Variants in PRKN observed in about 807,000 individuals in gnomAD.
PRKN encodes parkin RBR E3 ubiquitin protein ligase.
A neutral mutation model predicts 59.5 loss-of-function variants in PRKN; 56 were observed. The ratio of observed to expected loss-of-function variants is 0.94; its 90% CI spans 0.76 to 1.18. The LOEUF (loss-of-function observed/expected upper bound fraction) is 1.18, where lower values mean the gene tolerates loss of function less well. PRKN is among the 50% of genes most tolerant of loss of function. PRKN has a pLI of 0.00. For missense variants in PRKN, 657 were observed against 596.4 expected, an observed-to-expected ratio of 1.10 and a Z score of -1.06; for synonymous variants, 250 against 222.1, an observed-to-expected ratio of 1.13 and a Z score of -1.12.
At chr6:162,231,112 C>T (rs1478684827) in intron 3 of PRKN, among the ~76,000 whole-genome samples, 1 of 152,014 alleles carries the variant, frequency 6.6e-6, no homozygotes, top group African/African-American at 2.4e-5. Flanking sequence ...ATATGCCTCC[C>T]TCTCTCTCTC....
intron 3 of PRKN, among the ~76,000 whole-genome samples, chr6:162,253,507 T>C (rs1779522882): frequency 6.6e-6 from 1 of 152,186 alleles, no homozygotes; most frequent in Non-Finnish European, 1.5e-5. Flanking sequence ...TAAATAACTG[T>C]TACAGCAACT....
intron 2 of PRKN, among the ~76,000 whole-genome samples, chr6:162,380,208 T>C (rs1194440807): frequency 3.9e-5 from 6 of 152,074 alleles, no homozygotes; most frequent in Non-Finnish European, 7.4e-5. Flanking sequence ...ATGTGGCTTA[T>C]TAGGGCAAGT....
At chr6:162,416,713 A>T (rs373010430) in intron 2 of PRKN, among the ~76,000 whole-genome samples, 73 of 152,236 alleles carry the variant, frequency 4.8e-4, no homozygotes, top group African/African-American at 1.7e-3. Context: ...TTTTCTTAAT[A>T]ACTTACCTAC....
intron 6 of PRKN, among the ~76,000 whole-genome samples, chr6:161,953,362 G>A (rs901901522): frequency 6.6e-6 from 1 of 152,086 alleles, no homozygotes; most frequent in Non-Finnish European, 1.5e-5. Flanking sequence ...CACCTGCCTC[G>A]GCCTCCCAAA....
At chr6:162,651,986 C>T (rs57483155) in intron 1 of PRKN, among the ~76,000 whole-genome samples, 3,151 of 152,192 alleles carry the variant, frequency 0.021, 114 homozygotes, top group African/African-American at 0.071. Flanking sequence ...TACCTTATGT[C>T]GAGATTTCTC....
At chr6:162,632,123 A>G (rs1450672925) in intron 1 of PRKN, among the ~76,000 whole-genome samples, 1 of 152,218 alleles carries the variant, frequency 6.6e-6, no homozygotes, top group Non-Finnish European at 1.5e-5. Context: ...CTTAAAACAG[A>G]GCTATCATTT....
At chr6:161,375,175 A>AC (rs764111458) in intron 10 of PRKN, among the ~76,000 whole-genome samples, 1 of 151,562 alleles carries the variant, frequency 6.6e-6, no homozygotes, top group African/African-American at 2.4e-5. Flanking sequence ...GGTGGAGGGA[A>AC]CCCCCCGGGG....
intron 7 of PRKN, among the ~76,000 whole-genome samples, chr6:161,739,493 C>A (rs760539702): frequency 9.2e-5 from 14 of 152,136 alleles, no homozygotes; most frequent in Non-Finnish European, 1.9e-4. Context: ...AACGTATTTG[C>A]AATATAAAAA....
chr6:162,675,888 A>G (rs1779525951), intron 1 of PRKN, among the ~76,000 whole-genome samples: 2 of 152,200 alleles, frequency 1.3e-5, no homozygotes, highest in Non-Finnish European at 2.9e-5. Flanking sequence ...TAAAAATTCA[A>G]TAATGGAATA....
rs1472808063 is a variant in PRKN at position 161,391,466 on chromosome 6, T to C, written c.1084-4589A>G. On this transcript the variant is annotated intron_variant, in intron 9 of 11. Coordinates refer to ENST00000366898, the MANE Select transcript of PRKN (RefSeq NM_004562.3). The surrounding 1 kb of genome is among the most constrained non-coding windows in gnomAD (Gnocchi z 4.9). ...TTTTTTTCGAGAAATTTTAAATGTC[T>C]TTAAACAATCATAAAATAATACATA... Among the ~76,000 whole-genome samples, 1 of 151,874 alleles carries C rather than the reference T, an allele frequency of 6.6e-6. No individual in the cohort carries two copies. Among genetic ancestry groups the C allele is most frequent in the Non-Finnish European group, 1.5e-5 (1 of 67,970 alleles).
chr6:162,546,100 GTTTTTTTT>G (rs11396761), intron 1 of PRKN, among the ~76,000 whole-genome samples: 1 of 116,662 alleles, frequency 8.6e-6, no homozygotes, highest in Non-Finnish European at 1.7e-5. Context: ...AGTGTATGCA[GTTTTTTTT>G]TTTTTTTTTT....
At chr6:162,022,778 T>G (rs987316686) in intron 5 of PRKN, among the ~76,000 whole-genome samples, 4 of 152,184 alleles carry the variant, frequency 2.6e-5, no homozygotes, top group Non-Finnish European at 4.4e-5. Context: ...TTCTAGGATT[T>G]TAATAAATCA....
intron 6 of PRKN, among the ~76,000 whole-genome samples, chr6:161,917,357 C>T (rs995148560): frequency 3.3e-5 from 5 of 152,180 alleles, no homozygotes; most frequent in South Asian, 2.1e-4. Context: ...CCACCTACCT[C>T]GTCATCCCAA....
chr6:161,959,852 C>G (rs577465898), intron 6 of PRKN, among the ~76,000 whole-genome samples: 1 of 152,242 alleles, frequency 6.6e-6, no homozygotes, highest in South Asian at 2.1e-4. Flanking sequence ...CAGGAATTAA[C>G]CAAATTTAGG....
intron 7 of PRKN, among the ~76,000 whole-genome samples, chr6:161,779,413 C>CT (rs1049372571): frequency 1.1e-5 from 1 of 90,996 alleles, no homozygotes; most frequent in African/African-American, 3.8e-5. Context: ...CCTTTCTTTT[C>CT]TTTTTTTTCT....
chr6:161,643,620 G>A (rs1236665243), intron 7 of PRKN, among the ~76,000 whole-genome samples: 4 of 152,150 alleles, frequency 2.6e-5, no homozygotes, highest in Non-Finnish European at 5.9e-5. Context: ...TTCCAAAGAT[G>A]TCATATAACT....
chr6:162,026,287 G>A (rs1165597427), intron 5 of PRKN, among the ~76,000 whole-genome samples: 1 of 152,184 alleles, frequency 6.6e-6, no homozygotes, highest in Non-Finnish European at 1.5e-5. Context: ...AAATGCGGAG[G>A]CACACGTGTG....
intron 2 of PRKN, among the ~76,000 whole-genome samples, chr6:162,351,017 C>G (rs982689966): frequency 1.3e-5 from 2 of 151,884 alleles, no homozygotes; most frequent in Non-Finnish European, 2.9e-5. Flanking sequence ...GACCCTGACT[C>G]TATAAAAAAT....
At position 161,918,243 on chromosome 6, in the gene PRKN, G is replaced by A. The variant is rs372526277; in HGVS notation, c.734+55059C>T. Among the ~76,000 whole-genome samples, 161 of 152,282 alleles carry A rather than the reference G, an allele frequency of 1.1e-3. 1 individual carries two copies. The highest frequency in any genetic ancestry group is 3.7e-3 in the African/African-American group (155 of 41,560). On this transcript the variant is annotated intron_variant, in intron 6 of 11. Coordinates refer to ENST00000366898, the MANE Select transcript of PRKN (RefSeq NM_004562.3). ...ACCATGGAAACAACAGTACCACGCAGAACATCGTCATTGCTTCAATTTGCT... is the reference window on the plus strand; with the variant it reads ...ACCATGGAAACAACAGTACCACGCAAAACATCGTCATTGCTTCAATTTGCT...
Sources: gnomAD v4.1 joint callset for allele counts (sites outside exome capture counted in the v4.1 genomes callset) on GRCh38, gnomAD v4.1.1 for gene constraint, Gnocchi (gnomAD v3.1) non-coding constraint, MANE v1.5 for transcripts, NCBI Gene and HGNC (gene_info 2026-07-23, HGNC 2026-07-21) for gene names.